Variants in FRK observed in about 807,000 individuals in gnomAD.
FRK encodes fyn related Src family tyrosine kinase.
Under a neutral mutation model 56.4 loss-of-function variants are expected in FRK, and 51 were observed. The observed-to-expected ratio is 0.90, with a 90% CI of 0.72 to 1.14. FRK has a LOEUF of 1.14. Ranked by LOEUF, FRK falls within the 50% of genes most tolerant of loss-of-function variation. The pLI, the probability that FRK is intolerant of heterozygous loss-of-function variation, is 0.00. For missense variants in FRK, 570 were observed against 601.4 expected, an observed-to-expected ratio of 0.95 and a Z score of 0.55; for synonymous variants, 245 against 217.9, an observed-to-expected ratio of 1.12 and a Z score of -1.10.
intron 1 of FRK, among the ~76,000 whole-genome samples, chr6:116,056,931 A>C (rs1355559789): frequency 6.6e-6 from 1 of 152,262 alleles, no homozygotes; most frequent in East Asian, 1.9e-4. Flanking sequence ...GATAAGAATT[A>C]GTAAATTGGG....
At chr6:116,006,923 G>A (rs891147691) in intron 1 of FRK, among the ~76,000 whole-genome samples, 1 of 152,118 alleles carries the variant, frequency 6.6e-6, no homozygotes, top group African/African-American at 2.4e-5. Context: ...CATTGTAGTA[G>A]CATTTGTATA....
chr6:116,090,585 G>C, the FRK span, among the ~76,000 whole-genome samples: 39 of 152,356 alleles, frequency 2.6e-4, no homozygotes, highest in African/African-American at 8.7e-4. Flanking sequence ...TTATACAGCA[G>C]TGGTGGTTAC....
At chr6:115,951,708 T>C (rs1772760210) in intron 5 of FRK, among the ~76,000 whole-genome samples, 1 of 152,172 alleles carries the variant, frequency 6.6e-6, no homozygotes, top group South Asian at 2.1e-4. Context: ...CCTATTACAA[T>C]GGATAGAAAA....
chr6:116,007,477 A>C (rs775296514), intron 1 of FRK, among the ~76,000 whole-genome samples: 21 of 152,322 alleles, frequency 1.4e-4, no homozygotes, highest in Non-Finnish European at 2.6e-4. Context: ...CTTGAAGTGT[A>C]ATGTGAAGAG....
the FRK span, among the ~76,000 whole-genome samples, chr6:116,090,886 T>C: frequency 3.9e-5 from 6 of 152,356 alleles, no homozygotes; most frequent in East Asian, 1.9e-4. Flanking sequence ...CAAATCAACA[T>C]TCCCTATCAT....
rs938458806 is a variant in FRK at position 116,039,578 on chromosome 6, T to G, written c.344+20390A>C. 2.1e-5 allele frequency: 17 copies of G among 817,988 alleles called. No individual in the cohort carries two copies. The Admixed American group carries it at 2.9e-4, about 14-fold the overall frequency. 50.7% of individuals were successfully genotyped at this position (817,988 alleles called of 1,614,324 possible). A position where few individuals can be genotyped will look rare whatever the true frequency, so the allele number is the denominator to read the frequency against. The stretch of plus-strand genomic sequence containing the variant: ...CCAGTAACTGCCCCTCCCCTGCACA[T>G]GTTTCTGATGGTGTCATCTGCCCCC... On this transcript the variant is annotated intron_variant, in intron 1 of 7. Transcript: ENST00000606080.
chr6:115,950,138 T>C (rs1057135179), intron 5 of FRK, among the ~76,000 whole-genome samples: 1 of 152,118 alleles, frequency 6.6e-6, no homozygotes, highest in East Asian at 1.9e-4. Context: ...ACTTCATGAC[T>C]AAAACACCAA....
intron 2 of FRK, among the ~76,000 whole-genome samples, chr6:116,002,483 G>GGCAC (rs1314925659): frequency 6.6e-6 from 1 of 152,168 alleles, no homozygotes; most frequent in Non-Finnish European, 1.5e-5. Context: ...CAGGCATAGT[G>GGCAC]GCACGCGCCT....
chr6:116,003,889 A>G lies in FRK; in HGVS notation c.454T>C (p.Phe152Leu). The change falls in exon 2 of 8, where the codon TTC (phenylalanine) becomes CTC (leucine). Residue 152 changes from phenylalanine (F) to leucine (L), a missense_variant. Phe to Leu is a conservative substitution (Grantham distance 22, BLOSUM62 0). Transcript: ENST00000606080. ...IRESESQKGE[F>L]SLSVLDGAVV... ...ACAATACCCTTACCTGAAAGAGAGA[A>G]TTCTCCTTTTTGGCTTTCACTTTCT... The G allele has an allele frequency of 1.9e-6, 3 of 1,613,620 alleles. No homozygotes were observed. Among genetic ancestry groups the G allele is most frequent in the Non-Finnish European group, 2.5e-6 (3 of 1,179,872 alleles).
chr6:115,953,670 A>G lies in FRK; in HGVS notation c.958+2782T>C, dbSNP rs187845256. 2.0e-5 allele frequency among the ~76,000 whole-genome samples: 3 copies of G among 152,292 alleles called. No individual in the cohort carries two copies. The East Asian group carries it at 5.8e-4, about 29-fold the overall frequency. ...GTTCATACTTAGCCCTAAGTAAACC[A>G]CATCACCAAGCCACAAAAATCCTCA... On this transcript the variant is annotated intron_variant, in intron 5 of 7. Transcript: ENST00000606080.
rs929097599 is a variant in FRK, at chr6:116,026,000, G to C, written c.345-22002C>G. Among the ~76,000 whole-genome samples, 6 of 152,146 alleles carry C rather than the reference G, an allele frequency of 3.9e-5. 1 individual carries two copies. The highest frequency in any genetic ancestry group is 1.4e-4 in the African/African-American group (6 of 41,448). The stretch of plus-strand genomic sequence containing the variant: ...ACATTCTTCACAGGGTTATTGCAAA[G>C]AGTAAAGTAGAATTGAATGGAAAAA... On this transcript the variant is annotated intron_variant, in intron 1 of 7. Transcript: ENST00000606080.
chr6:115,958,472 A>G (rs1223111575), intron 4 of FRK, among the ~76,000 whole-genome samples: 1 of 151,842 alleles, frequency 6.6e-6, no homozygotes, highest in Non-Finnish European at 1.5e-5. Context: ...TACTAAAAAT[A>G]TAAAAATTAG....
chr6:116,060,447 G>A lies in FRK; in HGVS notation c.-136C>T, dbSNP rs1029038490. The A allele has an allele frequency of 1.5e-5, 10 of 666,506 alleles. No individual in the cohort carries two copies. Among genetic ancestry groups the A allele is most frequent in the Admixed American group, 1.2e-4 (4 of 34,606 alleles). 41.3% of individuals were successfully genotyped at this position (666,506 alleles called of 1,614,324 possible). ...TACTTCGGAGAGTATGCAAAGTCCC[G>A]TTTCAGATCAGTCCAGCAGCTGGGT... On this transcript the variant is annotated 5_prime_UTR_variant, in exon 1 of 8. It adds an upstream start codon to the 5' untranslated region. Coordinates refer to ENST00000606080, the MANE Select transcript of FRK (RefSeq NM_002031.3).
the FRK span, among the ~76,000 whole-genome samples, chr6:116,086,944 G>T: frequency 6.6e-6 from 1 of 152,190 alleles, no homozygotes; most frequent in South Asian, 2.1e-4. Context: ...AAGATGTAAA[G>T]ATAACTTCAG....
intron 5 of FRK, among the ~76,000 whole-genome samples, chr6:115,947,990 C>A (rs1562250191): frequency 6.6e-6 from 1 of 152,156 alleles, no homozygotes; most frequent in Non-Finnish European, 1.5e-5. Flanking sequence ...CTTGTGAAAG[C>A]CTCTTCTACT....
chr6:115,966,202 G>C (rs1425536087), intron 4 of FRK, among the ~76,000 whole-genome samples: 1 of 152,056 alleles, frequency 6.6e-6, no homozygotes, highest in Non-Finnish European at 1.5e-5. Context: ...TTACTAAAGT[G>C]ATATATGCAT....
intron 5 of FRK, among the ~76,000 whole-genome samples, chr6:115,948,441 G>A (rs1347694166): frequency 6.6e-6 from 1 of 152,158 alleles, no homozygotes; most frequent in South Asian, 2.1e-4. Context: ...GAAACTGTGA[G>A]ATAATAAACA....
chr6:116,064,047 T>C (rs1777709240), upstream of FRK, among the ~76,000 whole-genome samples: 1 of 152,180 alleles, frequency 6.6e-6, no homozygotes, highest in African/African-American at 2.4e-5. Flanking sequence ...TCCAACACAT[T>C]TGGAATAAAC....
chr6:116,002,799 C>A, intron 2 of FRK: 1 of 434,820 alleles, frequency 2.3e-6, no homozygotes, highest in South Asian at 1.6e-5. Context: ...GCAACACCTG[C>A]CTCAAAACCA....
Sources: allele counts gnomAD v4.1 joint callset (sites outside exome capture counted in the v4.1 genomes callset), GRCh38; gene constraint gnomAD v4.1.1; transcripts MANE v1.5; gene names NCBI Gene and HGNC (gene_info 2026-07-23, HGNC 2026-07-21).